The following PRUNE2 variants were observed in gnomAD, a reference collection of about 807,000 sequenced individuals.
PRUNE2 encodes the protein protein prune homolog 2.
Under a neutral mutation model 252.0 loss-of-function variants are expected in PRUNE2, and 164 were observed. The observed-to-expected ratio is 0.65, with a 90% CI of 0.57 to 0.74. PRUNE2 has a LOEUF of 0.74. Among genes scored for constraint, PRUNE2 ranks in the 30% least tolerant of loss-of-function variants. The pLI is 0.00. For missense variants in PRUNE2, 3,495 were observed against 3,711.0 expected (o/e 0.94, Z 1.51); for synonymous variants, 1,292 against 1,350.2 (o/e 0.96, Z 0.94).
chr9:76,853,898 AAGAAATAGCT>A (rs1166369943), intron 2 of PRUNE2, among the ~76,000 whole-genome samples, 196 bp downstream of exon 2: 7 of 152,244 alleles, frequency 4.6e-5, no homozygotes, highest in Non-Finnish European at 8.8e-5. Context: ...GAGAGTTGGT[AAGAAATAGCT>A]AGAACAATGC....
In PRUNE2 at chr9:76,641,744, C is replaced by T. The variant is rs963206104; in HGVS notation, c.8728+2995G>A. 9.2e-5 allele frequency among the ~76,000 whole-genome samples: 14 copies of T among 152,096 alleles called. No homozygotes were observed. In the East Asian group the frequency reaches 2.3e-3, roughly 25 times the overall value. On this transcript the variant is annotated intron_variant, in intron 12 of 18. Coordinates refer to ENST00000376718, the MANE Select transcript of PRUNE2 (RefSeq NM_015225.3). The stretch of plus-strand genomic sequence containing the variant: ...GGGTGGGGTGCATGAGCAACCCCCC[C>T]CCAGGAGTCTCCTGAGACCCTCTGA...
chr9:76,805,009 A>C (rs1368999934), intron 6 of PRUNE2, among the ~76,000 whole-genome samples: 2 of 152,086 alleles, frequency 1.3e-5, no homozygotes, highest in African/African-American at 4.8e-5. Flanking sequence ...TCACTCTTTG[A>C]CTGGCTCCAT....
intron 11 of PRUNE2, among the ~76,000 whole-genome samples, chr9:76,649,206 A>G (rs930429473): frequency 6.6e-6 from 1 of 152,216 alleles, no homozygotes; most frequent in East Asian, 1.9e-4. Flanking sequence ...GCTTCATGAA[A>G]ACAATGAGAA....
At chr9:76,693,737 C>T (rs1170404746) in intron 9 of PRUNE2, among the ~76,000 whole-genome samples, 4 of 152,122 alleles carry the variant, frequency 2.6e-5, no homozygotes, top group South Asian at 2.1e-4. Context: ...CCACTGCGCC[C>T]GGCCTTAGCT....
At chr9:76,640,384 A>G (rs1588015645) in intron 12 of PRUNE2, among the ~76,000 whole-genome samples, 1 of 152,290 alleles carries the variant, frequency 6.6e-6, no homozygotes, top group East Asian at 1.9e-4. Context: ...AATATACCCA[A>G]TTATGGGTTT....
chr9:76,761,635 T>C (rs1286027829), intron 6 of PRUNE2, among the ~76,000 whole-genome samples: 2 of 152,196 alleles, frequency 1.3e-5, no homozygotes, highest in Non-Finnish European at 2.9e-5. Flanking sequence ...CATTTTACTT[T>C]TGGTCACTAG....
At chr9:76,807,057 C>CGCGCGT in intron 6 of PRUNE2, among the ~76,000 whole-genome samples, 1 of 128,728 alleles carries the variant, frequency 7.8e-6, no homozygotes. Context: ...TGTGTGCGCG[C>CGCGCGT]GCGCGTGTGT....
In PRUNE2 at chr9:76,711,004, C is replaced by T; in HGVS notation, c.1270G>A (p.Val424Ile). 2 of 1,613,334 alleles carry T rather than the reference C, an allele frequency of 1.2e-6. No homozygotes were observed. Among genetic ancestry groups the T allele is most frequent in the Non-Finnish European group, 1.7e-6 (2 of 1,179,568 alleles). The change falls in exon 8 of 19, where the codon GTT (valine) becomes ATT (isoleucine). Residue 424 changes from valine (V) to isoleucine (I), a missense_variant. Transcript: ENST00000376718. ...QAQVDANVDL[V>I]SPDSGLATIR... ...GTAGCCAGTCCGCTGTCTGGGCTAA[C>T]AAGGTCTACATTGGCATCCACCTGA... is the stretch of plus-strand genomic sequence containing the variant.
rs535266328 is a variant in PRUNE2 at position 76,652,516 on chromosome 9, C to G, written c.8524G>C (p.Asp2842His). Residue 2842 changes from aspartate (D) to histidine (H), a missense_variant, in exon 11 of 19, where the codon GAT (aspartate) becomes CAT (histidine). Physicochemically the swap from Asp to His is moderately conservative, Grantham distance 81. Coordinates refer to ENST00000376718, the MANE Select transcript of PRUNE2 (RefSeq NM_015225.3). ...DINVDELDTP[D>H]EADSFEYTGH... ...GTGTACTCAAAAGAATCTGCTTCAT[C>G]GGGGGTATCAAGTTCATCCACATTG... 6.2e-7 allele frequency: 1 copy of G among 1,613,310 alleles called. No individual in the cohort carries two copies. The highest frequency in any genetic ancestry group is 1.3e-5 in the African/African-American group (1 of 75,010).
intron 1 of PRUNE2, among the ~76,000 whole-genome samples, chr9:76,894,295 T>G (rs573397637): frequency 6.6e-5 from 10 of 152,182 alleles, no homozygotes; most frequent in Non-Finnish European, 1.5e-4. Flanking sequence ...TACCCCATAG[T>G]TTGACCAGGA....
intron 6 of PRUNE2, among the ~76,000 whole-genome samples, chr9:76,742,959 G>C (rs1298868711): frequency 5.3e-5 from 8 of 152,142 alleles, no homozygotes; most frequent in African/African-American, 1.9e-4. Context: ...ATCCCCACAT[G>C]TCGTGGGAGG....
At position 76,652,505 on chromosome 9, in the gene PRUNE2, ATC is replaced by A; in HGVS notation, c.8533_8534del (p.Asp2845PhefsTer3). The A allele has an allele frequency of 6.2e-7, 1 of 1,613,198 alleles. No individual in the cohort carries two copies. Among genetic ancestry groups the A allele is most frequent in the Non-Finnish European group, 8.5e-7 (1 of 1,179,286 alleles). ...TACCATGGCCAGTGTACTCAAAAGA[ATC>A]TGCTTCATCGGGGGTATCAAGTTCA... ...VDELDTPDEA[D>X]SFEYTGHDPT... On this transcript the variant is annotated frameshift_variant, in exon 11 of 19. Coordinates refer to ENST00000376718, the MANE Select transcript of PRUNE2 (RefSeq NM_015225.3). LOFTEE classifies it high-confidence loss of function.
In PRUNE2 at chr9:76,679,533, A is replaced by G. The variant is rs377214972; in HGVS notation, c.8276+23804T>C. Among the ~76,000 whole-genome samples, 14 of 152,324 alleles carry G rather than the reference A, an allele frequency of 9.2e-5. No homozygotes were observed. In the South Asian group the frequency reaches 2.9e-3, roughly 32 times the overall value. On this transcript the variant is annotated intron_variant, in intron 9 of 18. Transcript: ENST00000376718. ...GCTGAGCACTGTGGCTCACTCCTGT[A>G]ATCCCAAGTACTATAGGAAGGCTGA...
intron 1 of PRUNE2, among the ~76,000 whole-genome samples, chr9:76,877,935 C>T (rs1052205484): frequency 1.3e-4 from 20 of 152,104 alleles, no homozygotes; most frequent in African/African-American, 4.6e-4. Flanking sequence ...GGTAGAGATG[C>T]GGAATCTGGA....
intron 6 of PRUNE2, among the ~76,000 whole-genome samples, chr9:76,722,573 T>C (rs2047741520): frequency 1.3e-5 from 2 of 152,338 alleles, no homozygotes. Context: ...TACATGAATA[T>C]GTAACACATA....
intron 1 of PRUNE2, among the ~76,000 whole-genome samples, chr9:76,879,479 T>C (rs2061639648): frequency 6.6e-6 from 1 of 152,172 alleles, no homozygotes; most frequent in Non-Finnish European, 1.5e-5. Context: ...ATTAGCAAAA[T>C]AGATTAAAAC....
chr9:76,775,784 C>G (rs1795031794), intron 6 of PRUNE2, among the ~76,000 whole-genome samples: 1 of 152,228 alleles, frequency 6.6e-6, no homozygotes, highest in South Asian at 2.1e-4. Flanking sequence ...AGAAAAAGCA[C>G]AAGGATTGCT....
chr9:76,683,957 A>G (rs2134278483), intron 9 of PRUNE2, among the ~76,000 whole-genome samples: 1 of 151,204 alleles, frequency 6.6e-6, no homozygotes, highest in Admixed American at 6.6e-5. Flanking sequence ...TTATATATAT[A>G]TACACATATA....
At chr9:76,761,032 G>T (rs673270) in intron 6 of PRUNE2, among the ~76,000 whole-genome samples, 45,369 of 147,068 alleles carry the variant, frequency 0.31, 7,360 homozygotes, top group South Asian at 0.42. Context: ...GTTGCGGTGA[G>T]CCGAGATCAC....
Sources: gnomAD v4.1 joint callset for allele counts (sites outside exome capture counted in the v4.1 genomes callset) on GRCh38, gnomAD v4.1.1 for gene constraint, MANE v1.5 for transcripts, NCBI Gene and HGNC (gene_info 2026-07-23, HGNC 2026-07-21) for gene names.